PDE2A: variants seen among roughly 807,000 people sequenced by gnomAD.
The protein encoded by PDE2A is phosphodiesterase 2A, also known as cGMP-dependent 3',5'-cyclic phosphodiesterase.
PDE2A carries 53 observed loss-of-function variants against 133.6 expected under a neutral mutation model. The observed-to-expected ratio is 0.40, with a 90% confidence interval of 0.32 to 0.50. The LOEUF is 0.50. PDE2A is among the 20% of genes least tolerant of loss of function. The pLI, the probability that PDE2A is intolerant of heterozygous loss-of-function variation, is 0.73. For synonymous variants in PDE2A, 491 were observed against 490.2 expected, an observed-to-expected ratio of 1.00 and a Z score of -0.02; for missense variants, 796 against 1,232.4, an observed-to-expected ratio of 0.65 and a Z score of 5.30.
intron 1 of PDE2A, among the ~76,000 whole-genome samples, chr11:72,666,912 C>T (rs1187299932): frequency 6.6e-6 from 1 of 152,132 alleles, no homozygotes; most frequent in East Asian, 1.9e-4. Flanking sequence ...TCAAGACCAG[C>T]CTGGCCAACA....
Position 72,579,515 on chromosome 11 carries a change from C to T in PDE2A, c.2256+19G>A. 1 of 1,467,098 alleles carries T rather than the reference C, an allele frequency of 6.8e-7. No individual in the cohort carries two copies. Among genetic ancestry groups the T allele is most frequent in the African/African-American group, 1.4e-5 (1 of 72,480 alleles). 90.9% of individuals were successfully genotyped at this position (1,467,098 alleles called of 1,614,324 possible). ...TCCCAGCTCCCCCTCAATCCCCACC[C>T]CACCCCCAACCCCATCACCTTCCGG... On this transcript the variant is annotated intron_variant, in intron 26 of 30. Coordinates refer to ENST00000334456, the MANE Select transcript of PDE2A (RefSeq NM_002599.5).
At chr11:72,658,035 C>T (rs1353022540) in intron 1 of PDE2A, 5 of 456,182 alleles carry the variant, frequency 1.1e-5, no homozygotes, top group African/African-American at 2.0e-5. Context: ...ATGTACCAGG[C>T]ATCTTTAAAA....
Position 72,637,675 on chromosome 11 carries a change from C to G in PDE2A, c.144+4579G>C, listed in dbSNP as rs547030361. 2.0e-5 allele frequency among the ~76,000 whole-genome samples: 3 copies of G among 152,362 alleles called. No individual in the cohort carries two copies. In the East Asian group the frequency reaches 5.8e-4, roughly 29 times the overall value. On this transcript the variant is annotated intron_variant, in intron 2 of 30. Coordinates refer to ENST00000334456, the MANE Select transcript of PDE2A (RefSeq NM_002599.5). ...CAAACCATCAGTGGAGGACTAGAGTCTGCAATGAGGGGGACTCAGTGCCTC... is the reference window on the plus strand; with the variant it reads ...CAAACCATCAGTGGAGGACTAGAGTGTGCAATGAGGGGGACTCAGTGCCTC...
intron 14 of PDE2A, among the ~76,000 whole-genome samples, chr11:72,585,832 T>G (rs527301072): frequency 2.6e-5 from 4 of 152,238 alleles, no homozygotes; most frequent in Non-Finnish European, 5.9e-5. Flanking sequence ...CAGCTCTAGC[T>G]GCCTAGGTGT....
At chr11:72,642,147 C>A (rs1591121583) in intron 2 of PDE2A, 107 bp downstream of exon 2, 2 of 1,320,466 alleles carry the variant, frequency 1.5e-6, no homozygotes, top group East Asian at 6.3e-5. Context: ...GAATTCAGAA[C>A]TAGAGGAGGG....
chr11:72,585,675 G>A (rs1206328002), intron 14 of PDE2A, 82 bp from the exon 15 acceptor site: 5 of 1,244,468 alleles, frequency 4.0e-6, no homozygotes, highest in East Asian at 2.5e-5. Flanking sequence ...AACAGCACCC[G>A]GGTCTTCTCC....
intron 1 of PDE2A, among the ~76,000 whole-genome samples, chr11:72,648,355 A>C (rs979675685): frequency 1.3e-5 from 2 of 152,190 alleles, no homozygotes; most frequent in Non-Finnish European, 1.5e-5. Flanking sequence ...CTATGGCTCC[A>C]GATGTGGGGG....
chr11:72,665,712 C>T (rs1156280254), intron 1 of PDE2A, among the ~76,000 whole-genome samples: 1 of 152,124 alleles, frequency 6.6e-6, no homozygotes, highest in African/African-American at 2.4e-5. Flanking sequence ...GCTCATGCCT[C>T]CCCACTATGG....
intron 21 of PDE2A, 108 bp from the exon 22 acceptor site, chr11:72,582,055 T>G: frequency 1.1e-6 from 1 of 873,488 alleles, no homozygotes. Flanking sequence ...CTTAGAAACT[T>G]ACATCTAAAC....
At chr11:72,591,901 G>T (rs1206570115) in intron 6 of PDE2A, among the ~76,000 whole-genome samples, 3 of 152,248 alleles carry the variant, frequency 2.0e-5, no homozygotes, top group African/African-American at 4.8e-5. Flanking sequence ...TGTGATGCAA[G>T]CCTCCACCTG....
chr11:72,597,660 C>T lies in PDE2A; in HGVS notation c.324-41G>A. 6 of 1,367,948 alleles carry T rather than the reference C, an allele frequency of 4.4e-6. No individual in the cohort carries two copies. The highest frequency in any genetic ancestry group is 6.2e-6 in the Non-Finnish European group (6 of 965,686). The allele number at this position is 1,367,948 out of a possible 1,614,324, so 84.7% of individuals were successfully genotyped here. On this transcript the variant is annotated intron_variant, in intron 4 of 30. Coordinates refer to ENST00000334456, the MANE Select transcript of PDE2A (RefSeq NM_002599.5). This position sits in a 1 kb window ranked among gnomAD's most constrained non-coding sequence, Gnocchi z 4.6. The stretch of plus-strand genomic sequence containing the variant: ...GATGCCACCTTGAGAGCCCCCGACT[C>T]AGGGAGGAACGAGGCCTGGCCTGGG...
intron 1 of PDE2A, among the ~76,000 whole-genome samples, chr11:72,660,803 A>C (rs1461826741): frequency 6.6e-6 from 1 of 151,844 alleles, no homozygotes; most frequent in Non-Finnish European, 1.5e-5. Context: ...CAAGGATTTC[A>C]CTGCACGTAG....
chr11:72,627,414 C>T (rs1354382014), intron 2 of PDE2A, among the ~76,000 whole-genome samples: 2 of 152,248 alleles, frequency 1.3e-5, no homozygotes, highest in East Asian at 3.9e-4. Flanking sequence ...GTCTGAGGAA[C>T]GTCACAAAGG....
At chr11:72,626,768 A>G (rs908751536) in intron 2 of PDE2A, among the ~76,000 whole-genome samples, 1 of 151,958 alleles carries the variant, frequency 6.6e-6, no homozygotes, top group African/African-American at 2.4e-5. Context: ...GGGCCCACAT[A>G]TTCACTGGTG....
At chr11:72,600,494 AG>A (rs1856691666) in intron 4 of PDE2A, among the ~76,000 whole-genome samples, 1 of 151,772 alleles carries the variant, frequency 6.6e-6, no homozygotes. Flanking sequence ...CCCCCATGGG[AG>A]CCCCTTTCCT....
intron 2 of PDE2A, among the ~76,000 whole-genome samples, chr11:72,617,341 C>T (rs1488521448): frequency 2.0e-5 from 3 of 152,188 alleles, no homozygotes; most frequent in Non-Finnish European, 4.4e-5. Context: ...GCAAGCCCAG[C>T]CATGCTGGTC....
chr11:72,577,114 G>T lies in PDE2A; in HGVS notation c.*270C>A, dbSNP rs1398378413. 1.5e-5 allele frequency: 6 copies of T among 406,770 alleles called. No individual in the cohort carries two copies. Among genetic ancestry groups the T allele is most frequent in the East Asian group, 1.1e-4 (3 of 26,984 alleles). 25.2% of individuals were successfully genotyped at this position (406,770 alleles called of 1,614,324 possible). On this transcript the variant is annotated 3_prime_UTR_variant, in exon 31 of 31. Transcript: ENST00000334456. ...AATGGCTTGGGAAAGACTTGCCAAG[G>T]TGTGGTCAGAGGTGCAGAGTAGGGC...
chr11:72,589,791 A>T lies in PDE2A; in HGVS notation c.833T>A (p.Val278Asp). The T allele has an allele frequency of 6.2e-7, 1 of 1,613,778 alleles. No individual in the cohort carries two copies. Among genetic ancestry groups the T allele is most frequent in the East Asian group, 2.2e-5 (1 of 44,868 alleles). Residue 278 changes from valine to aspartate, a missense_variant and splice_region_variant, in exon 11 of 31, where the codon GTC (valine) becomes GAC (aspartate). Transcript: ENST00000334456. ...SEDNLQLSCK[V>D]IGDKVLGEEV... ...TTCCCCGAGCACTTTGTCTCCGATG[A>T]CCTGAGGAACGGAGTGCAGGGGGCT...
At chr11:72,591,384 T>C (rs1436492461) in intron 6 of PDE2A, 28 bp from the exon 7 acceptor site, 1 of 1,588,298 alleles carries the variant, frequency 6.3e-7, no homozygotes, top group Non-Finnish European at 8.6e-7. Context: ...GGGAACTAGC[T>C]GTGACCTCTC....
Sources: allele counts gnomAD v4.1 joint callset (sites outside exome capture counted in the v4.1 genomes callset), GRCh38; gene constraint gnomAD v4.1.1; non-coding constraint Gnocchi (gnomAD v3.1); transcripts MANE v1.5; gene names NCBI Gene and HGNC (gene_info 2026-07-23, HGNC 2026-07-21).